VPS13B: variants seen among roughly 807,000 people sequenced by gnomAD.
VPS13B encodes vacuolar protein sorting 13 homolog B.
VPS13B carries 285 observed loss-of-function variants against 426.4 expected under a neutral mutation model. The observed-to-expected ratio is 0.67, with a 90% CI of 0.61 to 0.74. VPS13B has a LOEUF of 0.74. VPS13B is among the 30% of genes least tolerant of loss of function. The pLI, the probability that VPS13B is intolerant of heterozygous loss-of-function variation, is 0.00. For synonymous variants in VPS13B, 1,676 were observed against 1,676.4 expected, an observed-to-expected ratio of 1.00 and a Z score of 0.01; for missense variants, 4,537 against 4,782.6, an observed-to-expected ratio of 0.95 and a Z score of 1.51.
chr8:99,809,282 A>T (rs1284957275), intron 43 of VPS13B, 93 bp from the exon 44 acceptor site: 11 of 1,520,898 alleles, frequency 7.2e-6, no homozygotes, highest in Non-Finnish European at 1.0e-5. Context: ...AATATTACAA[A>T]TGGAAAGGTT....
chr8:99,716,918 A>C (rs1336225953), intron 36 of VPS13B, among the ~76,000 whole-genome samples: 3 of 152,198 alleles, frequency 2.0e-5, no homozygotes, highest in African/African-American at 4.8e-5. Flanking sequence ...CTACTCATAA[A>C]ACTTAAAATG....
chr8:99,545,325 A>G (rs1054087781), intron 30 of VPS13B, among the ~76,000 whole-genome samples: 6 of 152,126 alleles, frequency 3.9e-5, no homozygotes, highest in African/African-American at 1.4e-4. Flanking sequence ...TTTCTAGGGC[A>G]GTGCCTTCTA....
At chr8:99,140,157 G>C (rs1340540437) in intron 12 of VPS13B, among the ~76,000 whole-genome samples, 1 of 151,996 alleles carries the variant, frequency 6.6e-6, no homozygotes. Flanking sequence ...ATGAGGTCAG[G>C]AGTTCGAGAC....
chr8:99,040,783 TAAA>T (rs981155073), intron 3 of VPS13B, among the ~76,000 whole-genome samples: 1 of 152,022 alleles, frequency 6.6e-6, no homozygotes, highest in East Asian at 1.9e-4. Flanking sequence ...ATGAATCTGT[TAAA>T]AAAAACTATT....
At chr8:99,678,030 GACTTAATATCTA>G (rs1831011169) in intron 35 of VPS13B, among the ~76,000 whole-genome samples, 1 of 151,944 alleles carries the variant, frequency 6.6e-6, no homozygotes, top group African/African-American at 2.4e-5. Flanking sequence ...CAGCTCTTTT[GACTTAATATCTA>G]ACTCTAAGAC....
chr8:99,094,699 A>G (rs544404724), intron 3 of VPS13B, among the ~76,000 whole-genome samples: 1 of 152,230 alleles, frequency 6.6e-6, no homozygotes, highest in East Asian at 1.9e-4. Context: ...AAGAGGTCTT[A>G]TTGTCGTTCT....
chr8:99,864,083 G>A (rs1404903195), intron 58 of VPS13B, among the ~76,000 whole-genome samples: 2 of 152,170 alleles, frequency 1.3e-5, no homozygotes, highest in African/African-American at 4.8e-5. Context: ...TCTGGTCCTA[G>A]AACTACCAGG....
intron 35 of VPS13B, among the ~76,000 whole-genome samples, chr8:99,666,972 C>T (rs1830513424): frequency 1.3e-5 from 2 of 152,118 alleles, no homozygotes; most frequent in Admixed American, 6.6e-5. Context: ...TCTTAAGATA[C>T]TTTTCAAAGT....
intron 33 of VPS13B, among the ~76,000 whole-genome samples, chr8:99,633,806 G>GGGGTGT (rs1828949501): frequency 7.0e-6 from 1 of 143,876 alleles, no homozygotes; most frequent in East Asian, 2.1e-4. Context: ...GAATGTGTCA[G>GGGGTGT]GTGTGTGTGT....
chr8:99,211,307 C>T (rs2132796139), intron 17 of VPS13B, among the ~76,000 whole-genome samples: 1 of 152,266 alleles, frequency 6.6e-6, no homozygotes, highest in East Asian at 1.9e-4. Context: ...TCACACACAC[C>T]TCTGGCTGAA....
At chr8:99,206,513 C>G (rs1030782031) in intron 17 of VPS13B, among the ~76,000 whole-genome samples, 44 of 152,126 alleles carry the variant, frequency 2.9e-4, no homozygotes, top group Admixed American at 4.6e-4. Flanking sequence ...AGGATCATGT[C>G]GTTCTGTATG....
At chr8:99,553,334 T>C (rs1282189029) in intron 30 of VPS13B, among the ~76,000 whole-genome samples, 1 of 152,154 alleles carries the variant, frequency 6.6e-6, no homozygotes, top group East Asian at 1.9e-4. Flanking sequence ...ATTCAGAGTT[T>C]CTAATATGCC....
chr8:99,163,251 G>GT (rs1242822745), intron 15 of VPS13B, among the ~76,000 whole-genome samples: 3 of 152,216 alleles, frequency 2.0e-5, no homozygotes, highest in African/African-American at 7.2e-5. Context: ...TAAACACAGG[G>GT]TGCTGATTGG....
rs757811852 is a variant in VPS13B, at chr8:99,101,042, C to CA, written c.413-1898dup. On this transcript the variant is annotated intron_variant, in intron 4 of 61. Transcript: ENST00000357162. ...CTGGACGATAGAGAGAGACTAGTCT[C>CA]AAAAAAAAAAAAAGTTCCCTGTTCA... is the stretch of plus-strand genomic sequence containing the variant. 4.4e-3 allele frequency among the ~76,000 whole-genome samples: 564 copies of CA among 129,632 alleles called. 3 individuals are homozygous for CA. The highest frequency in any genetic ancestry group is 8.1e-3 in the African/African-American group (285 of 35,246). 85.0% of individuals were successfully genotyped at this position (129,632 alleles called of 152,430 possible).
chr8:99,423,602 C>T (rs1470245387), intron 21 of VPS13B, among the ~76,000 whole-genome samples: 1 of 151,912 alleles, frequency 6.6e-6, no homozygotes, highest in Non-Finnish European at 1.5e-5. Context: ...ATAAATTGCC[C>T]TCTGTTGCAG....
At chr8:99,420,359 CT>C in intron 21 of VPS13B, among the ~76,000 whole-genome samples, 1 of 152,166 alleles carries the variant, frequency 6.6e-6, no homozygotes, top group East Asian at 1.9e-4. Flanking sequence ...ATTATTCAGT[CT>C]CCCAGAATAA....
intron 19 of VPS13B, among the ~76,000 whole-genome samples, chr8:99,299,943 TTAACA>T (rs1820269988): frequency 6.6e-6 from 1 of 152,162 alleles, no homozygotes; most frequent in African/African-American, 2.4e-5. Context: ...AAATTTATAC[TTAACA>T]TAAACTGAGT....
At chr8:99,863,661 C>A (rs1357887406) in intron 58 of VPS13B, among the ~76,000 whole-genome samples, 1 of 152,170 alleles carries the variant, frequency 6.6e-6, no homozygotes, top group Non-Finnish European at 1.5e-5. Flanking sequence ...TGTGAGGAGT[C>A]ACAAATCAGC....
intron 30 of VPS13B, among the ~76,000 whole-genome samples, chr8:99,526,933 A>G (rs1822679802): frequency 6.6e-6 from 1 of 152,152 alleles, no homozygotes; most frequent in Non-Finnish European, 1.5e-5. Flanking sequence ...TGGGTGTGAT[A>G]CTGTTACTGT....
Sources: allele counts gnomAD v4.1 joint callset (sites outside exome capture counted in the v4.1 genomes callset), GRCh38; gene constraint gnomAD v4.1.1; transcripts MANE v1.5; gene names NCBI Gene and HGNC (gene_info 2026-07-23, HGNC 2026-07-21).